TMEM135: variants seen among roughly 807,000 people sequenced by gnomAD.
TMEM135 encodes the protein peroxisomal membrane protein 52.
Under a neutral mutation model 60.3 loss-of-function variants are expected in TMEM135, and 30 were observed. The observed-to-expected ratio is 0.50, with a 90% CI of 0.37 to 0.68. The LOEUF (loss-of-function observed/expected upper bound fraction) is 0.68. Among genes scored for constraint, TMEM135 ranks in the 30% least tolerant of loss-of-function variants. The probability of loss-of-function intolerance (pLI) is 0.00; values close to 1 mark genes in which losing one functional copy is unlikely to be tolerated. For missense variants in TMEM135, 468 were observed against 548.8 expected (o/e 0.85, Z 1.47); for synonymous variants, 190 against 186.7 (o/e 1.02, Z -0.14).
intron 3 of TMEM135, among the ~76,000 whole-genome samples, chr11:87,089,886 T>C (rs1215157829): frequency 1.3e-5 from 2 of 152,204 alleles, no homozygotes; most frequent in Non-Finnish European, 2.9e-5. Flanking sequence ...AAAAAAACCT[T>C]ATAGATAATC....
In TMEM135 at chr11:87,294,837, G is replaced by A. The variant is rs149808886; in HGVS notation, c.510-945G>A. On this transcript the variant is annotated intron_variant, in intron 6 of 14. Transcript: ENST00000305494. The stretch of plus-strand genomic sequence containing the variant: ...AACAGCAGCAGAATGTTGTAAAGCC[G>A]GCATAGTAATGTCCCCATTTTAAGA... Among the ~76,000 whole-genome samples the A allele has an allele frequency of 1.9e-3, 287 of 152,112 alleles. 1 individual carries two copies. Among genetic ancestry groups the A allele is most frequent in the African/African-American group, 6.4e-3 (265 of 41,470 alleles).
chr11:87,106,845 C>A (rs1857609573), intron 4 of TMEM135, among the ~76,000 whole-genome samples: 1 of 152,122 alleles, frequency 6.6e-6, no homozygotes, highest in African/African-American at 2.4e-5. Context: ...GTTCTGCAGG[C>A]TGTACAGGAA....
At chr11:87,173,405 G>A (rs1229991536) in intron 5 of TMEM135, among the ~76,000 whole-genome samples, 1 of 152,080 alleles carries the variant, frequency 6.6e-6, no homozygotes, top group Admixed American at 6.6e-5. Flanking sequence ...GTAGATACTG[G>A]GTTTTAATTG....
intron 6 of TMEM135, among the ~76,000 whole-genome samples, chr11:87,252,798 A>ATATGTGTGTGTGTGTGTG (rs1555124821): frequency 3.0e-5 from 4 of 134,208 alleles, no homozygotes; most frequent in Non-Finnish European, 6.3e-5. Flanking sequence ...TAAAATATAT[A>ATATGTGTGTGTGTGTGTG]TGTGTGTGTG....
intron 4 of TMEM135, among the ~76,000 whole-genome samples, chr11:87,104,146 A>G (rs1040294433): frequency 7.9e-5 from 12 of 152,218 alleles, no homozygotes; most frequent in Middle Eastern, 3.4e-3. Context: ...TTCTTTTGCA[A>G]GTAGATATCC....
chr11:87,259,676 C>A (rs1017688267), intron 6 of TMEM135, among the ~76,000 whole-genome samples: 1 of 152,168 alleles, frequency 6.6e-6, no homozygotes, highest in Non-Finnish European at 1.5e-5. Context: ...AAATTCACAG[C>A]AAAACAGAAT....
intron 5 of TMEM135, among the ~76,000 whole-genome samples, chr11:87,169,878 AATATCC>A (rs2135286853): frequency 6.6e-6 from 1 of 152,224 alleles, no homozygotes; most frequent in Non-Finnish European, 1.5e-5. Flanking sequence ...TCTTCTGGGT[AATATCC>A]TGAAGAGTGT....
chr11:87,261,529 A>G (rs1052627192), intron 6 of TMEM135, among the ~76,000 whole-genome samples: 2 of 152,214 alleles, frequency 1.3e-5, no homozygotes, highest in African/African-American at 2.4e-5. Context: ...ATGCAAAAGT[A>G]TAAATAATAA....
chr11:87,215,793 T>C (rs988132195), intron 5 of TMEM135, among the ~76,000 whole-genome samples: 3 of 152,204 alleles, frequency 2.0e-5, no homozygotes, highest in Non-Finnish European at 2.9e-5. Flanking sequence ...ATCATTCTTA[T>C]TGATGCTTTA....
Position 87,103,319 on chromosome 11 carries a change from CT to C in TMEM135, c.396+11928del, listed in dbSNP as rs539167323. Among the ~76,000 whole-genome samples the C allele has an allele frequency of 1.4e-3, 214 of 152,246 alleles. 2 individuals are homozygous for C. The highest frequency in any genetic ancestry group is 5.0e-3 in the African/African-American group (206 of 41,540). ...TCTCACCAATAGTGTACAAGGATTCCTTTTCCTCCAGGTACTTGCCAACACT... is the reference window on the plus strand; with the variant it reads ...TCTCACCAATAGTGTACAAGGATTCCTTTCCTCCAGGTACTTGCCAACACT... On this transcript the variant is annotated intron_variant, in intron 4 of 14. Coordinates refer to ENST00000305494, the MANE Select transcript of TMEM135 (RefSeq NM_022918.4).
At chr11:87,305,426 T>A (rs1260770758) in intron 8 of TMEM135, among the ~76,000 whole-genome samples, 2 of 152,080 alleles carry the variant, frequency 1.3e-5, no homozygotes, top group African/African-American at 4.8e-5. Context: ...AGCAAAAATA[T>A]ATGTTGTTCT....
chr11:87,073,954 C>T (rs111645194), intron 3 of TMEM135, among the ~76,000 whole-genome samples: 1 of 151,838 alleles, frequency 6.6e-6, no homozygotes, highest in Admixed American at 6.6e-5. Flanking sequence ...CTGCGTGAGC[C>T]ACTGCGCCCA....
chr11:87,110,436 AG>A (rs746302313), intron 4 of TMEM135, among the ~76,000 whole-genome samples: 2 of 151,624 alleles, frequency 1.3e-5, no homozygotes, highest in Non-Finnish European at 2.9e-5. Flanking sequence ...GCCTGGGCAC[AG>A]AGTGAGAACC....
intron 4 of TMEM135, among the ~76,000 whole-genome samples, chr11:87,092,519 A>G (rs1857231187): frequency 6.6e-6 from 1 of 152,190 alleles, no homozygotes. Context: ...CATCAAGTAA[A>G]TTTATTTTAA....
At chr11:87,154,295 TAC>T (rs1938634552) in intron 4 of TMEM135, among the ~76,000 whole-genome samples, 1 of 152,236 alleles carries the variant, frequency 6.6e-6, no homozygotes, top group Non-Finnish European at 1.5e-5. Context: ...CCATGTTGTA[TAC>T]TATATCAGAA....
chr11:87,053,257 G>A (rs1243716726), intron 1 of TMEM135, among the ~76,000 whole-genome samples: 4 of 147,284 alleles, frequency 2.7e-5, no homozygotes, highest in African/African-American at 5.1e-5. Flanking sequence ...TTATGACTTT[G>A]AGAAAAAAAT....
At position 87,318,218 on chromosome 11, in the gene TMEM135, G is replaced by T; in HGVS notation, c.1159G>T (p.Ala387Ser). The change falls in exon 13 of 15, where the codon GCA becomes TCA. Residue 387 changes from alanine to serine, a missense_variant. By Grantham distance (99) the Ala-to-Ser change is moderately conservative. Transcript: ENST00000305494. ...ADTIIYSIST[A>S]ICFQAAVMEV... ...TACTATCATCTATTCCATCTCTACA[G>T]CAATTTGCTTCCAGGCAGTAAGTAT... The T allele has an allele frequency of 6.2e-7, 1 of 1,611,702 alleles. No individual in the cohort carries two copies.
intron 4 of TMEM135, among the ~76,000 whole-genome samples, chr11:87,150,765 C>T (rs1938538351): frequency 1.3e-5 from 2 of 152,094 alleles, no homozygotes; most frequent in African/African-American, 4.8e-5. Context: ...GGAGCTACAT[C>T]ATTTGTTTAA....
chr11:87,099,660 TGTG>T (rs1857408254), intron 4 of TMEM135, among the ~76,000 whole-genome samples: 1 of 150,066 alleles, frequency 6.7e-6, no homozygotes, highest in African/African-American at 2.5e-5. Context: ...GGGTTTATAT[TGTG>T]GTTACATGTT....
Sources: allele counts gnomAD v4.1 joint callset (sites outside exome capture counted in the v4.1 genomes callset), GRCh38; gene constraint gnomAD v4.1.1; transcripts MANE v1.5; gene names NCBI Gene and HGNC (gene_info 2026-07-23, HGNC 2026-07-21).